Variants in ADGRA2 observed in about 807,000 individuals in gnomAD.
ADGRA2 encodes the protein G-protein coupled receptor 124.
ADGRA2 carries 61 observed loss-of-function variants against 98.7 expected under a neutral mutation model. That is an observed-to-expected ratio of 0.62 (90% CI 0.50 to 0.76). The LOEUF (loss-of-function observed/expected upper bound fraction) is 0.76. Ranked by LOEUF, ADGRA2 falls within the 30% of genes least tolerant of loss-of-function variation. The pLI is 0.00. For synonymous variants in ADGRA2, 858 were observed against 831.5 expected (o/e 1.03, Z -0.55); for missense variants, 1,712 against 1,860.0 (o/e 0.92, Z 1.46).
At chr8:37,837,605 G>A in intron 13 of ADGRA2, 126 bp from the exon 14 acceptor site, 1 of 792,634 alleles carries the variant, frequency 1.3e-6, no homozygotes, top group Non-Finnish European at 2.1e-6. Context: ...CCCCAGCCCA[G>A]CACTGTGCCC....
intron 13 of ADGRA2, among the ~76,000 whole-genome samples, chr8:37,836,097 A>ACCCCCC (rs1554526532): frequency 6.4e-5 from 7 of 108,634 alleles, no homozygotes; most frequent in African/African-American, 2.6e-4. Flanking sequence ...ACACACACAC[A>ACCCCCC]CCCCACAGGC....
At chr8:37,815,942 TCTGCTCTCATC>T (rs1008439994) in intron 2 of ADGRA2, among the ~76,000 whole-genome samples, 13 of 152,282 alleles carry the variant, frequency 8.5e-5, no homozygotes, top group Admixed American at 8.5e-4. Flanking sequence ...GTCTCCCATC[TCTGCTCTCATC>T]CTGCTAGGCG....
rs139320759 is a variant in ADGRA2, at chr8:37,831,367, G to A, written c.933-56G>A. The A allele has an allele frequency of 1.6e-4, 254 of 1,562,218 alleles. 2 individuals are homozygous for A. The African/African-American group carries it at 2.7e-3, about 17-fold the overall frequency. On this transcript the variant is annotated intron_variant, in intron 7 of 18. Transcript: ENST00000412232. ...TGTTGTAGGACGGTGCTGAGGGAGG[G>A]CAACGTGGCTGGGCCCAAGGGTGAC...
chr8:37,814,871 G>A lies in ADGRA2; in HGVS notation c.267-25G>A. 1 of 1,582,132 alleles carries A rather than the reference G, an allele frequency of 6.3e-7. No individual in the cohort carries two copies. The highest frequency in any genetic ancestry group is 8.7e-7 in the Non-Finnish European group (1 of 1,150,874). On this transcript the variant is annotated intron_variant, in intron 1 of 18. Coordinates refer to ENST00000412232, the MANE Select transcript of ADGRA2 (RefSeq NM_032777.10). The surrounding 1 kb of genome is among the most constrained non-coding windows in gnomAD (Gnocchi z 4.3). ...CCAGCACATAACAGCACCTTGTCCTGTCTGTGTCCTCTCTGTCTCTTCAGG... is the reference window on the plus strand; with the variant it reads ...CCAGCACATAACAGCACCTTGTCCTATCTGTGTCCTCTCTGTCTCTTCAGG...
At chr8:37,798,828 GGT>G (rs1360990839) in intron 1 of ADGRA2, among the ~76,000 whole-genome samples, 2 of 152,192 alleles carry the variant, frequency 1.3e-5, no homozygotes, top group Non-Finnish European at 2.9e-5. Context: ...CCCCGGCCCG[GGT>G]GTGTGTGTGC....
rs1022028536 is a variant in ADGRA2 at position 37,802,591 on chromosome 8, G to A, written c.266+5057G>A. Among the ~76,000 whole-genome samples, 10 of 152,276 alleles carry A rather than the reference G, an allele frequency of 6.6e-5. No individual in the cohort carries two copies. The highest frequency in any genetic ancestry group is 1.9e-4 in the East Asian group (1 of 5,170). ...GCTGCGGCACCCCCACCCGGGCTCCGGGACCTCGCCTGTTCAAAGGCAGGG... is the reference window on the plus strand; with the variant it reads ...GCTGCGGCACCCCCACCCGGGCTCCAGGACCTCGCCTGTTCAAAGGCAGGG... On this transcript the variant is annotated intron_variant, in intron 1 of 18. Coordinates refer to ENST00000412232, the MANE Select transcript of ADGRA2 (RefSeq NM_032777.10). The surrounding 1 kb of genome is among the most constrained non-coding windows in gnomAD (Gnocchi z 4.7).
chr8:37,817,791 C>T (rs1585384255), intron 2 of ADGRA2, among the ~76,000 whole-genome samples: 1 of 152,134 alleles, frequency 6.6e-6, no homozygotes, highest in South Asian at 2.1e-4. Flanking sequence ...CCATGGCTGG[C>T]GGATCACCTG....
intron 3 of ADGRA2, 71 bp downstream of exon 3, chr8:37,829,030 GC>G: frequency 2.1e-6 from 2 of 953,454 alleles, no homozygotes; most frequent in Non-Finnish European, 2.9e-6. Context: ...CCTGCTCCAT[GC>G]CCACCCCCTT....
intron 2 of ADGRA2, among the ~76,000 whole-genome samples, chr8:37,823,021 A>G (rs1044453443): frequency 2.6e-5 from 4 of 151,112 alleles, no homozygotes; most frequent in African/African-American, 4.9e-5. Flanking sequence ...CCTCCTGAGT[A>G]CCTGGGATTA....
intron 2 of ADGRA2, among the ~76,000 whole-genome samples, chr8:37,824,130 C>G (rs1805200979): frequency 6.6e-6 from 1 of 152,082 alleles, no homozygotes; most frequent in African/African-American, 2.4e-5. Flanking sequence ...CTCCTGGGTT[C>G]AAGTGATTCT....
chr8:37,819,272 G>A (rs180922801), intron 2 of ADGRA2, among the ~76,000 whole-genome samples: 28 of 152,204 alleles, frequency 1.8e-4, no homozygotes, highest in African/African-American at 4.3e-4. Context: ...AGGGTGTGCC[G>A]TGGGCAGCAG....
At position 37,843,569 on chromosome 8, in the gene ADGRA2, G is replaced by C. The variant is rs905554506; in HGVS notation, c.*1214G>C. On this transcript the variant is annotated 3_prime_UTR_variant, in exon 19 of 19. Coordinates refer to ENST00000412232, the MANE Select transcript of ADGRA2 (RefSeq NM_032777.10). ...CCAAATGGAAACCGAGGGAACCCTGGGTCTTGGGAAGAACAACAGGAAACC... is the reference window on the plus strand; with the variant it reads ...CCAAATGGAAACCGAGGGAACCCTGCGTCTTGGGAAGAACAACAGGAAACC... 1.3e-5 allele frequency: 2 copies of C among 152,142 alleles called. No individual in the cohort carries two copies. Among genetic ancestry groups the C allele is most frequent in the Non-Finnish European group, 2.9e-5 (2 of 68,028 alleles). The allele number at this position is 152,142 out of a possible 1,614,324, so 9.4% of individuals were successfully genotyped here. A position where few individuals can be genotyped will look rare whatever the true frequency, so the allele number is the denominator to read the frequency against.
rs770818207 is a variant in ADGRA2, at chr8:37,844,637, A to G, written c.*2282A>G. The G allele has an allele frequency of 6.2e-7, 1 of 1,614,168 alleles. No individual in the cohort carries two copies. Among genetic ancestry groups the G allele is most frequent in the Non-Finnish European group, 8.5e-7 (1 of 1,180,030 alleles). ...CAGTGACAGTGGAGACAGGGGGTAC[A>G]GGGCAGATCCGCTTCGGGGACTTCA... is the stretch of plus-strand genomic sequence containing the variant. On this transcript the variant is annotated 3_prime_UTR_variant, in exon 19 of 19. Transcript: ENST00000412232.
intron 1 of ADGRA2, among the ~76,000 whole-genome samples, chr8:37,799,080 A>G (rs1804423647): frequency 1.3e-5 from 2 of 152,242 alleles, no homozygotes; most frequent in South Asian, 4.1e-4. Flanking sequence ...CAGCTGCATA[A>G]GAATTCAGAG....
chr8:37,797,495 C>A lies in ADGRA2; in HGVS notation c.227C>A (p.Pro76His). ...VVCSGGDLPE[P>H]PEPGLLPNGT... ...TGCAGCGGCGGGGACCTCCCGGAGC[C>A]TCCCGAGCCCGGCCTTCTGCCTAAC... The change falls in exon 1 of 19, where the codon CCT becomes CAT. Residue 76 changes from proline (P) to histidine (H), a missense_variant. Coordinates refer to ENST00000412232, the MANE Select transcript of ADGRA2 (RefSeq NM_032777.10). This position sits in a 1 kb window ranked among gnomAD's most constrained non-coding sequence, Gnocchi z 5.3. 7.1e-7 allele frequency: 1 copy of A among 1,406,130 alleles called. No homozygotes were observed. Among genetic ancestry groups the A allele is most frequent in the Non-Finnish European group, 9.3e-7 (1 of 1,076,502 alleles). The allele number at this position is 1,406,130 out of a possible 1,614,324, so 87.1% of individuals were successfully genotyped here.
rs185242224 is a variant in ADGRA2 at position 37,823,890 on chromosome 8, A to G, written c.339-4998A>G. ...TTCAGATCCTTTGCCCATTTTTTTCAACTGGGTTATTTGTCTTTCTGCTAT... is the reference window on the plus strand; with the variant it reads ...TTCAGATCCTTTGCCCATTTTTTTCGACTGGGTTATTTGTCTTTCTGCTAT... On this transcript the variant is annotated intron_variant, in intron 2 of 18. Coordinates refer to ENST00000412232, the MANE Select transcript of ADGRA2 (RefSeq NM_032777.10). Among the ~76,000 whole-genome samples, 10 of 152,156 alleles carry G rather than the reference A, an allele frequency of 6.6e-5. 1 individual carries two copies. Among genetic ancestry groups the G allele is most frequent in the Admixed American group, 3.3e-4 (5 of 15,296 alleles).
At chr8:37,825,112 C>G (rs1171913875) in intron 2 of ADGRA2, among the ~76,000 whole-genome samples, 1 of 152,164 alleles carries the variant, frequency 6.6e-6, no homozygotes, top group Non-Finnish European at 1.5e-5. Flanking sequence ...AGGGGAAGTG[C>G]CTTCAACACC....
intron 1 of ADGRA2, among the ~76,000 whole-genome samples, chr8:37,813,452 A>C (rs1175664148): frequency 2.6e-5 from 4 of 152,200 alleles, no homozygotes; most frequent in Admixed American, 6.5e-5. Context: ...AGAAGATCTA[A>C]TATCCCATAT....
chr8:37,801,863 C>T (rs1804516584), intron 1 of ADGRA2, among the ~76,000 whole-genome samples: 1 of 152,354 alleles, frequency 6.6e-6, no homozygotes, highest in East Asian at 1.9e-4. Context: ...ACAAAAGACA[C>T]TTTAAAAAAC....
Sources: allele counts gnomAD v4.1 joint callset (sites outside exome capture counted in the v4.1 genomes callset), GRCh38; gene constraint gnomAD v4.1.1; non-coding constraint Gnocchi (gnomAD v3.1); transcripts MANE v1.5; gene names NCBI Gene and HGNC (gene_info 2026-07-23, HGNC 2026-07-21).